Variants in RPSA2 observed in about 807,000 individuals in gnomAD.
RPSA2 encodes the protein ribosomal protein SA 2, also known as small ribosomal subunit protein uS2B.
chr19:23,776,494 CAG>C, the RPSA2 span, among the ~76,000 whole-genome samples: 148,843 of 152,174 alleles, frequency 0.98, 72,887 homozygotes, highest in Middle Eastern at 1. Context: ...GTCATTGTGA[CAG>C]TGTGACATAC....
chr19:23,791,711 A>C, the RPSA2 span, among the ~76,000 whole-genome samples: 1 of 151,390 alleles, frequency 6.6e-6, no homozygotes, highest in Non-Finnish European at 1.5e-5. Context: ...TTGAGTGTAC[A>C]TTTTTATATT....
At chr19:23,803,297 T>C in the RPSA2 span, among the ~76,000 whole-genome samples, 1 of 152,156 alleles carries the variant, frequency 6.6e-6, no homozygotes, top group Non-Finnish European at 1.5e-5. Context: ...GAGTTTTGGG[T>C]GATGCATCCT....
At chr19:23,818,502 G>A in the RPSA2 span, 1 of 152,584 alleles carries the variant, frequency 6.6e-6, no homozygotes, top group African/African-American at 2.4e-5. Flanking sequence ...TCCCTCTTGG[G>A]CTAGGAGGTA....
the RPSA2 span, among the ~76,000 whole-genome samples, chr19:23,802,489 T>A: frequency 6.6e-6 from 1 of 152,334 alleles, no homozygotes; most frequent in Admixed American, 6.5e-5. Context: ...CCCAGGCATC[T>A]GAGACATTTG....
At chr19:23,781,680 C>T in the RPSA2 span, among the ~76,000 whole-genome samples, 6 of 152,202 alleles carry the variant, frequency 3.9e-5, no homozygotes, top group Non-Finnish European at 8.8e-5. Flanking sequence ...CTCTCATGCA[C>T]AAATCCAGTC....
chr19:23,809,311 C>G, the RPSA2 span: 1 of 152,096 alleles, frequency 6.6e-6, no homozygotes, highest in African/African-American at 2.4e-5. Flanking sequence ...TGTCCTTCTG[C>G]TTTGTTCTTT....
the RPSA2 span, among the ~76,000 whole-genome samples, chr19:23,844,256 A>G: frequency 9.2e-5 from 14 of 152,246 alleles, no homozygotes; most frequent in Admixed American, 6.5e-4. Flanking sequence ...CATTGTTATT[A>G]TACTTGTCTT....
At chr19:23,827,537 G>C in the RPSA2 span, 4 of 1,596,476 alleles carry the variant, frequency 2.5e-6, no homozygotes, top group African/African-American at 1.3e-5. Context: ...TGTGGTTACT[G>C]ACCCCAGGGC....
At chr19:23,798,448 A>G in the RPSA2 span, among the ~76,000 whole-genome samples, 1 of 152,154 alleles carries the variant, frequency 6.6e-6, no homozygotes, top group African/African-American at 2.4e-5. Context: ...GTGTTGTTAG[A>G]CAACCTGCAT....
the RPSA2 span, among the ~76,000 whole-genome samples, chr19:23,845,269 ATTTATG>A: frequency 2.8e-4 from 2 of 7,266 alleles, no homozygotes; most frequent in Non-Finnish European, 2.4e-3. Context: ...TTCTGTTCTG[ATTTATG>A]TTTTTTTTTT....
the RPSA2 span, among the ~76,000 whole-genome samples, chr19:23,851,475 G>C: frequency 4.6e-5 from 7 of 152,158 alleles, no homozygotes; most frequent in African/African-American, 1.7e-4. Context: ...ATATAGAAAG[G>C]GTGTCTACAT....
chr19:23,769,138 G>C, the RPSA2 span, among the ~76,000 whole-genome samples: 13 of 152,174 alleles, frequency 8.5e-5, no homozygotes, highest in Admixed American at 8.5e-4. Flanking sequence ...TTCTCCCTGG[G>C]ACCTGTCCAC....
chr19:23,802,708 C>T, the RPSA2 span, among the ~76,000 whole-genome samples: 7 of 143,254 alleles, frequency 4.9e-5, no homozygotes, highest in East Asian at 1.5e-3. Flanking sequence ...TAAATTGATT[C>T]CATTTCATAT....
At chr19:23,859,190 C>T in the RPSA2 span, among the ~76,000 whole-genome samples, 1 of 152,140 alleles carries the variant, frequency 6.6e-6, no homozygotes, top group South Asian at 2.1e-4. Context: ...AAATATAGCA[C>T]ATTTTAAAGG....
the RPSA2 span, chr19:23,817,596 A>G: frequency 6.6e-6 from 1 of 152,202 alleles, no homozygotes. Flanking sequence ...GGAGACACCC[A>G]GTAGGTGAAA....
the RPSA2 span, among the ~76,000 whole-genome samples, chr19:23,759,155 C>T: frequency 1.3e-5 from 2 of 152,032 alleles, no homozygotes; most frequent in Admixed American, 1.3e-4. Context: ...AGGTCACATG[C>T]ATTTCAAATA....
chr19:23,843,610 A>G, the RPSA2 span, among the ~76,000 whole-genome samples: 1 of 152,210 alleles, frequency 6.6e-6, no homozygotes, highest in African/African-American at 2.4e-5. Context: ...GAGAAACTGC[A>G]TGTTAGATCA....
At chr19:23,776,474 G>A in the RPSA2 span, among the ~76,000 whole-genome samples, 2 of 81,584 alleles carry the variant, frequency 2.5e-5, no homozygotes, top group African/African-American at 9.1e-5. Flanking sequence ...CCTCTGCTTT[G>A]CTCACATGGG....
chr19:23,843,188 GTC>G, the RPSA2 span: 1 of 215,140 alleles, frequency 4.6e-6, no homozygotes, highest in Non-Finnish European at 9.8e-6. Flanking sequence ...AGGCTGTGGT[GTC>G]TCTGTACCTG....
Sources: gnomAD v4.1 joint callset for allele counts (sites outside exome capture counted in the v4.1 genomes callset) on GRCh38, gnomAD v4.1.1 for gene constraint, MANE v1.5 for transcripts, NCBI Gene and HGNC (gene_info 2026-07-23, HGNC 2026-07-21) for gene names.